Variants in G2E3 observed in about 807,000 individuals in gnomAD.
The protein encoded by G2E3 is G2/M phase-specific E3 ubiquitin-protein ligase.
G2E3 carries 35 observed loss-of-function variants against 92.8 expected under a neutral mutation model. The observed-to-expected ratio is 0.38, with a 90% confidence interval of 0.29 to 0.50. G2E3 has a LOEUF of 0.50. G2E3 is among the 20% of genes least tolerant of loss of function. G2E3 has a pLI of 0.94. For missense variants in G2E3, 554 were observed against 823.8 expected (o/e 0.67, Z 4.01); for synonymous variants, 242 against 272.4 (o/e 0.89, Z 1.10).
chr14:30,568,791 C>T (rs537181836), intron 1 of G2E3, among the ~76,000 whole-genome samples: 4 of 152,114 alleles, frequency 2.6e-5, no homozygotes, highest in South Asian at 2.1e-4. Flanking sequence ...ATTTATTTTA[C>T]GTGTTTTTCT....
chr14:30,585,014 T>A (rs1880630401), intron 2 of G2E3, among the ~76,000 whole-genome samples: 1 of 151,946 alleles, frequency 6.6e-6, no homozygotes, highest in Admixed American at 6.6e-5. Context: ...GTATTTTTTT[T>A]TAGTAGAGAT....
intron 8 of G2E3, among the ~76,000 whole-genome samples, chr14:30,599,281 A>G (rs938808761): frequency 2.0e-5 from 3 of 152,072 alleles, no homozygotes; most frequent in Non-Finnish European, 4.4e-5. Flanking sequence ...AGACTGGAGT[A>G]CAGTGGCATG....
chr14:30,602,426 CTGAG>C lies in G2E3; in HGVS notation c.1010+297_1010+300del, dbSNP rs949370052. ...TCTATCCTAATTATTTTTTTGTGTACTGAGTAATGATGTAAAATATATTTTTTAT... is the reference window on the plus strand; with the variant it reads ...TCTATCCTAATTATTTTTTTGTGTACTAATGATGTAAAATATATTTTTTAT... On this transcript the variant is annotated intron_variant, in intron 10 of 14. Transcript: ENST00000206595. Among the ~76,000 whole-genome samples the C allele has an allele frequency of 2.6e-5, 4 of 151,618 alleles. No homozygotes were observed. The South Asian group carries it at 8.3e-4, about 32-fold the overall frequency.
intron 1 of G2E3, among the ~76,000 whole-genome samples, chr14:30,562,176 C>T (rs977117637): frequency 2.6e-5 from 4 of 152,028 alleles, no homozygotes; most frequent in Admixed American, 1.3e-4. Flanking sequence ...CTTGTGTGGG[C>T]GGCAAGCCAC....
chr14:30,569,691 G>T (rs1313806097), intron 1 of G2E3, among the ~76,000 whole-genome samples: 2 of 152,128 alleles, frequency 1.3e-5, no homozygotes, highest in East Asian at 3.9e-4. Context: ...GAAGGGGCTA[G>T]GACTGGAATA....
intron 1 of G2E3, chr14:30,560,622 T>A (rs868447109): frequency 1.1e-5 from 6 of 565,674 alleles, no homozygotes; most frequent in Middle Eastern, 4.6e-4. Context: ...TGGTAATTTT[T>A]AAAAATTGAT....
intron 4 of G2E3, among the ~76,000 whole-genome samples, chr14:30,589,732 C>G (rs1166932768): frequency 6.6e-6 from 1 of 151,882 alleles, no homozygotes; most frequent in African/African-American, 2.4e-5. Context: ...CCAACATGTC[C>G]ATCAGAATTG....
intron 6 of G2E3, among the ~76,000 whole-genome samples, chr14:30,596,010 C>T (rs530068607): frequency 2.0e-5 from 3 of 150,416 alleles, no homozygotes; most frequent in South Asian, 4.2e-4. Context: ...TTCCTTTTAT[C>T]GTATACCATA....
chr14:30,560,597 T>G (rs1879035702), intron 1 of G2E3: 1 of 558,300 alleles, frequency 1.8e-6, no homozygotes. Flanking sequence ...TCATTTCATA[T>G]GTGCTGTCAA....
intron 8 of G2E3, among the ~76,000 whole-genome samples, chr14:30,601,251 A>C (rs932411318): frequency 2.0e-5 from 3 of 152,232 alleles, no homozygotes; most frequent in Non-Finnish European, 4.4e-5. Context: ...CATACACCAC[A>C]TAACACAGTG....
At position 30,618,011 on chromosome 14, in the gene G2E3, CCTT is replaced by C. The variant is rs892162179; in HGVS notation, c.*1481_*1483del. On this transcript the variant is annotated 3_prime_UTR_variant, in exon 15 of 15. Transcript: ENST00000206595. ...CAGGTGTCAGCTGTTGTATTCTCAC[CCTT>C]CTTAAGAAAAATCATTACATTATTG... 2.6e-5 allele frequency: 4 copies of C among 151,798 alleles called. No individual in the cohort carries two copies. The highest frequency in any genetic ancestry group is 9.7e-5 in the African/African-American group (4 of 41,362). The allele number at this position is 151,798 out of a possible 1,614,324, so 9.4% of individuals were successfully genotyped here.
Position 30,615,330 on chromosome 14 carries a change from T to C in G2E3, c.1674-19T>C. Reference sequence around the variant, plus strand: ...ACACACATGTATGAATGTTGGCTCATTATTTTTCTTCTCTTAAGTTTTAAG... The same window carrying C: ...ACACACATGTATGAATGTTGGCTCACTATTTTTCTTCTCTTAAGTTTTAAG... On this transcript the variant is annotated intron_variant, in intron 13 of 14. Coordinates refer to ENST00000206595, the MANE Select transcript of G2E3 (RefSeq NM_017769.5). 1 of 1,399,302 alleles carries C rather than the reference T, an allele frequency of 7.1e-7. No homozygotes were observed. The highest frequency in any genetic ancestry group is 9.8e-7 in the Non-Finnish European group (1 of 1,018,168). The allele number at this position is 1,399,302 out of a possible 1,614,324, so 86.7% of individuals were successfully genotyped here.
chr14:30,599,739 C>T (rs1461401410), intron 8 of G2E3, among the ~76,000 whole-genome samples: 1 of 151,902 alleles, frequency 6.6e-6, no homozygotes, highest in Non-Finnish European at 1.5e-5. Flanking sequence ...AAAATTATAA[C>T]ATTTTGGAAA....
intron 6 of G2E3, among the ~76,000 whole-genome samples, chr14:30,596,525 A>G (rs1881300534): frequency 6.6e-6 from 1 of 152,184 alleles, no homozygotes; most frequent in Non-Finnish European, 1.5e-5. Context: ...ATTATTCCCC[A>G]TCCTTGGAAT....
chr14:30,584,183 C>A (rs994560776), intron 2 of G2E3, among the ~76,000 whole-genome samples: 1 of 152,158 alleles, frequency 6.6e-6, no homozygotes, highest in African/African-American at 2.4e-5. Flanking sequence ...TAGGTTTATT[C>A]ATGCTGTAGC....
At chr14:30,589,318 A>G in intron 3 of G2E3, 65 bp from the exon 4 acceptor site, 2 of 863,940 alleles carry the variant, frequency 2.3e-6, no homozygotes, top group South Asian at 2.8e-5. Flanking sequence ...TAGTATGGAT[A>G]TATATTTTTT....
chr14:30,568,297 T>C (rs1879557073), intron 1 of G2E3, among the ~76,000 whole-genome samples: 2 of 152,154 alleles, frequency 1.3e-5, no homozygotes, highest in South Asian at 4.1e-4. Context: ...CATCTATTTG[T>C]GTTTTGATAT....
intron 1 of G2E3, among the ~76,000 whole-genome samples, chr14:30,569,069 A>G (rs1879605251): frequency 6.6e-6 from 1 of 152,140 alleles, no homozygotes; most frequent in South Asian, 2.1e-4. Context: ...CTTTTAAGAA[A>G]CTTTTTATTG....
At chr14:30,559,906 G>A (rs374883684) in intron 1 of G2E3, 1 of 152,122 alleles carries the variant, frequency 6.6e-6, no homozygotes. Flanking sequence ...GCAAAAATCC[G>A]AGACTCCTAT....
Sources: allele counts gnomAD v4.1 joint callset (sites outside exome capture counted in the v4.1 genomes callset), GRCh38; gene constraint gnomAD v4.1.1; transcripts MANE v1.5; gene names NCBI Gene and HGNC (gene_info 2026-07-23, HGNC 2026-07-21).